The following ZCCHC7 variants were observed in gnomAD, a reference collection of about 807,000 sequenced individuals.
ZCCHC7 encodes zinc finger CCHC domain-containing protein 7.
In ZCCHC7, 35 loss-of-function variants were observed where a neutral mutation model predicts 52.0. The observed-to-expected ratio is 0.67, with a 90% CI of 0.51 to 0.89. The LOEUF (loss-of-function observed/expected upper bound fraction) is 0.89, where lower values mean the gene tolerates loss of function less well. ZCCHC7 is among the 40% of genes least tolerant of loss of function. The pLI, the probability that ZCCHC7 is intolerant of heterozygous loss-of-function variation, is 0.00. For missense variants in ZCCHC7, 574 were observed against 649.1 expected, an observed-to-expected ratio of 0.88 and a Z score of 1.26; for synonymous variants, 217 against 221.5, an observed-to-expected ratio of 0.98 and a Z score of 0.18.
At chr9:37,283,175 A>C (rs1828053492) in intron 2 of ZCCHC7, among the ~76,000 whole-genome samples, 1 of 152,116 alleles carries the variant, frequency 6.6e-6, no homozygotes, top group African/African-American at 2.4e-5. Flanking sequence ...ATGTATGAAA[A>C]ATATTGACAG....
At chr9:37,120,404 G>A, upstream of ZCCHC7, 2 of 390,032 alleles carry the variant, frequency 5.1e-6, no homozygotes, top group Non-Finnish European at 9.1e-6. Flanking sequence ...ATAATTATGG[G>A]CGGGGCAGAG....
intron 2 of ZCCHC7, among the ~76,000 whole-genome samples, chr9:37,152,934 GTGATTTGTC>G (rs1394851979): frequency 2.0e-5 from 3 of 152,054 alleles, no homozygotes; most frequent in Admixed American, 2.0e-4. Flanking sequence ...CTTCCTATGG[GTGATTTGTC>G]TGTTCTTGCC....
chr9:37,151,388 C>A (rs181176291), intron 2 of ZCCHC7, among the ~76,000 whole-genome samples: 2 of 152,282 alleles, frequency 1.3e-5, no homozygotes, highest in East Asian at 3.9e-4. Context: ...CTTCATTTTA[C>A]TTTGAGTTTT....
intron 1 of ZCCHC7, among the ~76,000 whole-genome samples, chr9:37,124,244 A>AT (rs1277825094): frequency 6.6e-6 from 1 of 152,022 alleles, no homozygotes; most frequent in Non-Finnish European, 1.5e-5. Flanking sequence ...CAGGGCTCTC[A>AT]TTTTAATCAG....
At chr9:37,227,171 C>T (rs1233228095) in intron 2 of ZCCHC7, among the ~76,000 whole-genome samples, 3 of 151,874 alleles carry the variant, frequency 2.0e-5, no homozygotes, top group Non-Finnish European at 4.4e-5. Context: ...TCAAAGGATA[C>T]TTTAATAAGC....
chr9:37,260,172 C>T (rs566575566), intron 2 of ZCCHC7, among the ~76,000 whole-genome samples: 185 of 152,164 alleles, frequency 1.2e-3, no homozygotes, highest in Non-Finnish European at 2.2e-3. Flanking sequence ...TTAATATTTG[C>T]GCATATACTG....
intron 2 of ZCCHC7, among the ~76,000 whole-genome samples, chr9:37,258,424 A>G (rs1047643243): frequency 1.3e-5 from 2 of 152,174 alleles, no homozygotes; most frequent in African/African-American, 4.8e-5. Context: ...AGATTTAGTG[A>G]CTGGATGAAT....
chr9:37,226,930 T>TGA (rs370513573), intron 2 of ZCCHC7, among the ~76,000 whole-genome samples: 197 of 149,166 alleles, frequency 1.3e-3, no homozygotes, highest in African/African-American at 4.5e-3. Context: ...CTCATGAGGC[T>TGA]GAGGCAGGAG....
At chr9:37,304,438 G>T (rs765795006) in intron 4 of ZCCHC7, 125 bp downstream of exon 4, 24 of 1,144,188 alleles carry the variant, frequency 2.1e-5, no homozygotes, top group Non-Finnish European at 2.8e-5. Context: ...TGGATCATGA[G>T]GTCAGGAGAT....
intron 2 of ZCCHC7, among the ~76,000 whole-genome samples, chr9:37,130,522 T>C (rs1182806419): frequency 6.8e-6 from 1 of 147,688 alleles, no homozygotes; most frequent in African/African-American, 2.5e-5. Context: ...AGACAGAGTC[T>C]CGCTCTGTCG....
intron 7 of ZCCHC7, among the ~76,000 whole-genome samples, chr9:37,353,484 A>G (rs1412883364): frequency 6.6e-6 from 1 of 152,208 alleles, no homozygotes; most frequent in African/African-American, 2.4e-5. Context: ...AAAACACATG[A>G]GAATGGCCGA....
chr9:37,146,349 T>C (rs1364057415), intron 2 of ZCCHC7, among the ~76,000 whole-genome samples: 1 of 151,918 alleles, frequency 6.6e-6, no homozygotes, highest in Non-Finnish European at 1.5e-5. Flanking sequence ...GTGTATCCAA[T>C]TTTCTGAGGA....
At chr9:37,140,816 C>A (rs991832890) in intron 2 of ZCCHC7, among the ~76,000 whole-genome samples, 2 of 151,942 alleles carry the variant, frequency 1.3e-5, no homozygotes, top group Non-Finnish European at 2.9e-5. Context: ...AGGTTAACAT[C>A]AGCAGTGAAG....
At chr9:37,184,506 C>T (rs896334208) in intron 2 of ZCCHC7, among the ~76,000 whole-genome samples, 1 of 151,910 alleles carries the variant, frequency 6.6e-6, no homozygotes, top group Admixed American at 6.6e-5. Flanking sequence ...CTCCTGATCT[C>T]TTATCCTGAA....
intron 2 of ZCCHC7, among the ~76,000 whole-genome samples, chr9:37,234,007 C>G (rs912466830): frequency 2.0e-5 from 3 of 152,054 alleles, no homozygotes; most frequent in Non-Finnish European, 4.4e-5. Flanking sequence ...GCGCCTGCCA[C>G]CACGCCCGGC....
At chr9:37,122,661 C>A (rs1349507260) in intron 1 of ZCCHC7, among the ~76,000 whole-genome samples, 1 of 152,206 alleles carries the variant, frequency 6.6e-6, no homozygotes, top group Non-Finnish European at 1.5e-5. Flanking sequence ...TATTTTGGGC[C>A]ATGTGCGGTG....
intron 2 of ZCCHC7, among the ~76,000 whole-genome samples, chr9:37,251,975 C>T (rs1390188949): frequency 6.6e-6 from 1 of 152,034 alleles, no homozygotes; most frequent in Non-Finnish European, 1.5e-5. Flanking sequence ...TGTTCTTTCC[C>T]TGCCTTTTTT....
At chr9:37,307,123 C>G (rs1041478160) in intron 5 of ZCCHC7, among the ~76,000 whole-genome samples, 2 of 151,902 alleles carry the variant, frequency 1.3e-5, no homozygotes, top group African/African-American at 4.8e-5. Flanking sequence ...GTCTAATAGT[C>G]TAAGGAAAGA....
chr9:37,314,502 A>G lies in ZCCHC7; in HGVS notation c.951+8788A>G, dbSNP rs1367124817. Among the ~76,000 whole-genome samples, 2 of 152,202 alleles carry G rather than the reference A, an allele frequency of 1.3e-5. 1 individual carries two copies. The highest frequency in any genetic ancestry group is 4.8e-5 in the African/African-American group (2 of 41,456). ...TTTACTATTAAATCCACTAATACGA[A>G]CAAATTCTGGGACATAATTATCTGA... On this transcript the variant is annotated intron_variant, in intron 5 of 8. Coordinates refer to ENST00000336755, the MANE Select transcript of ZCCHC7 (RefSeq NM_032226.3).
Sources: gnomAD v4.1 joint callset for allele counts (sites outside exome capture counted in the v4.1 genomes callset) on GRCh38, gnomAD v4.1.1 for gene constraint, MANE v1.5 for transcripts, NCBI Gene and HGNC (gene_info 2026-07-23, HGNC 2026-07-21) for gene names.